The following TAS2R1 variants were observed in gnomAD, a reference collection of about 807,000 sequenced individuals.
TAS2R1 encodes taste 2 receptor member 1.
For missense variants in TAS2R1, 370 were observed against 353.4 expected (o/e 1.05, Z -0.38); for synonymous variants, 141 against 134.2 (o/e 1.05, Z -0.35).
chr5:9,719,758 T>C, the TAS2R1 span, among the ~76,000 whole-genome samples: 2 of 138,498 alleles, frequency 1.4e-5, no homozygotes, highest in African/African-American at 2.6e-5. Flanking sequence ...CTACTAAAAA[T>C]ACAAAAAAAA....
At chr5:9,823,309 A>T in the TAS2R1 span, among the ~76,000 whole-genome samples, 1 of 152,110 alleles carries the variant, frequency 6.6e-6, no homozygotes, top group South Asian at 2.1e-4. Flanking sequence ...GGCTTTTTAG[A>T]TATTTTTCCT....
the TAS2R1 span, among the ~76,000 whole-genome samples, chr5:9,721,645 T>C: frequency 6.6e-6 from 1 of 152,232 alleles, no homozygotes; most frequent in Admixed American, 6.5e-5. Context: ...ACATTTTTAG[T>C]TGACAACTGC....
intron 1 of TAS2R1, among the ~76,000 whole-genome samples, chr5:9,695,396 A>G (rs1453959189): frequency 6.6e-6 from 1 of 152,198 alleles, no homozygotes; most frequent in Non-Finnish European, 1.5e-5. Context: ...CCTGTGGAAG[A>G]AGTTTGCACC....
At chr5:9,748,755 T>C in the TAS2R1 span, among the ~76,000 whole-genome samples, 2 of 152,164 alleles carry the variant, frequency 1.3e-5, no homozygotes, top group African/African-American at 4.8e-5. Context: ...TACATCCCAT[T>C]AGGCCTCACT....
chr5:9,706,410 C>T (rs544828522), intron 1 of TAS2R1, among the ~76,000 whole-genome samples: 19 of 152,292 alleles, frequency 1.2e-4, no homozygotes, highest in Admixed American at 9.8e-4. Context: ...AGTGGGTAGA[C>T]GGGGTCTTCC....
the TAS2R1 span, among the ~76,000 whole-genome samples, chr5:9,846,729 C>G: frequency 6.6e-6 from 1 of 152,094 alleles, no homozygotes; most frequent in Admixed American, 6.6e-5. Flanking sequence ...ATGAACTCTA[C>G]TTGTAAAACC....
chr5:9,701,973 T>C (rs184216375), intron 1 of TAS2R1, among the ~76,000 whole-genome samples: 155 of 152,336 alleles, frequency 1.0e-3, no homozygotes, highest in Non-Finnish European at 1.9e-3. Context: ...AAAAGGTCAT[T>C]TTATGTAGAT....
the TAS2R1 span, among the ~76,000 whole-genome samples, chr5:9,734,600 C>T: frequency 2.0e-5 from 3 of 152,094 alleles, no homozygotes; most frequent in East Asian, 1.9e-4. Context: ...ATAAAATTAA[C>T]TTTCATAATT....
the TAS2R1 span, among the ~76,000 whole-genome samples, chr5:9,776,940 A>C: frequency 2.6e-5 from 4 of 152,228 alleles, no homozygotes; most frequent in Non-Finnish European, 5.9e-5. Context: ...GTAGTCTATT[A>C]AGTGTGCAAT....
At chr5:9,706,210 A>G (rs756669992) in intron 1 of TAS2R1, among the ~76,000 whole-genome samples, 14 of 152,200 alleles carry the variant, frequency 9.2e-5, no homozygotes, top group Admixed American at 2.6e-4. Flanking sequence ...TCTTATGGTG[A>G]CAATTCAAAT....
intron 1 of TAS2R1, among the ~76,000 whole-genome samples, chr5:9,671,009 T>C (rs1266215517): frequency 6.6e-6 from 1 of 152,164 alleles, no homozygotes; most frequent in African/African-American, 2.4e-5. Context: ...ATAAATGTGA[T>C]TCACCACATA....
chr5:9,845,111 T>G, the TAS2R1 span, among the ~76,000 whole-genome samples: 1 of 152,138 alleles, frequency 6.6e-6, no homozygotes, highest in African/African-American at 2.4e-5. Flanking sequence ...AGGTGGAATC[T>G]TTGAGTGGTA....
the TAS2R1 span, among the ~76,000 whole-genome samples, chr5:9,851,533 T>C: frequency 7.1e-6 from 1 of 140,432 alleles, no homozygotes; most frequent in Non-Finnish European, 1.6e-5. Context: ...TTTTTTTTTT[T>C]CTTTTACTTT....
At chr5:9,694,634 T>C (rs1298546265) in intron 1 of TAS2R1, among the ~76,000 whole-genome samples, 1 of 152,188 alleles carries the variant, frequency 6.6e-6, no homozygotes, top group African/African-American at 2.4e-5. Flanking sequence ...TGTAGATCTT[T>C]CATGTTACCT....
At chr5:9,814,385 T>C in the TAS2R1 span, among the ~76,000 whole-genome samples, 2 of 152,208 alleles carry the variant, frequency 1.3e-5, no homozygotes, top group East Asian at 1.9e-4. Flanking sequence ...TTCTCTTATC[T>C]AAGCAGGAAT....
chr5:9,856,065 C>T, the TAS2R1 span, among the ~76,000 whole-genome samples: 4 of 152,058 alleles, frequency 2.6e-5, no homozygotes, highest in South Asian at 8.3e-4. Flanking sequence ...AAGGCAATAA[C>T]TTGCATTTCT....
At chr5:9,795,063 T>C in the TAS2R1 span, among the ~76,000 whole-genome samples, 1 of 152,174 alleles carries the variant, frequency 6.6e-6, no homozygotes, top group Non-Finnish European at 1.5e-5. Flanking sequence ...TTATTTCTTT[T>C]TGTGGGGGGA....
At chr5:9,726,631 T>A in the TAS2R1 span, among the ~76,000 whole-genome samples, 3,398 of 152,108 alleles carry the variant, frequency 0.022, 86 homozygotes, top group African/African-American at 0.063. Context: ...TTCGAACACA[T>A]CCAAACATCA....
the TAS2R1 span, among the ~76,000 whole-genome samples, chr5:9,867,479 G>T: frequency 2.0e-5 from 3 of 152,086 alleles, 1 homozygote; most frequent in South Asian, 6.2e-4. Context: ...AAAACCATCA[G>T]ATCTCATGAG....
Sources: gnomAD v4.1 joint callset for allele counts (sites outside exome capture counted in the v4.1 genomes callset) on GRCh38, gnomAD v4.1.1 for gene constraint, MANE v1.5 for transcripts, NCBI Gene and HGNC (gene_info 2026-07-23, HGNC 2026-07-21) for gene names.